The following ATRNL1 variants were observed in gnomAD, a reference collection of about 807,000 sequenced individuals.
ATRNL1 encodes the protein attractin-like protein 1.
In ATRNL1, 95 loss-of-function variants were observed where a neutral mutation model predicts 182.7. The ratio of observed to expected loss-of-function variants is 0.52; its 90% CI spans 0.44 to 0.62. The LOEUF is 0.62. Ranked by LOEUF, ATRNL1 falls within the 20% of genes least tolerant of loss-of-function variation. The pLI is 0.00. For synonymous variants in ATRNL1, 576 were observed against 568.3 expected (o/e 1.01, Z -0.19); for missense variants, 1,471 against 1,679.5 (o/e 0.88, Z 2.17).
intron 10 of ATRNL1, among the ~76,000 whole-genome samples, chr10:115,261,874 C>T (rs991940799): frequency 6.6e-6 from 1 of 151,936 alleles, no homozygotes; most frequent in Non-Finnish European, 1.5e-5. Context: ...AGCAATTCCC[C>T]ATCTCTAAAA....
At chr10:115,183,816 A>G (rs986226021) in intron 8 of ATRNL1, among the ~76,000 whole-genome samples, 1 of 151,598 alleles carries the variant, frequency 6.6e-6, no homozygotes, top group Non-Finnish European at 1.5e-5. Flanking sequence ...TTATAAGGGA[A>G]GTATAACATT....
intron 21 of ATRNL1, among the ~76,000 whole-genome samples, chr10:115,446,029 A>G (rs1252754057): frequency 3.3e-5 from 5 of 152,114 alleles, no homozygotes; most frequent in Non-Finnish European, 7.4e-5. Context: ...CATTTTGGCT[A>G]ATTTGAATAA....
chr10:115,506,167 G>A (rs539314218), intron 24 of ATRNL1, among the ~76,000 whole-genome samples: 1 of 151,970 alleles, frequency 6.6e-6, no homozygotes, highest in Non-Finnish European at 1.5e-5. Context: ...TGCATGTGTT[G>A]TGGCAGGGTG....
chr10:115,458,070 A>G (rs548913570), intron 21 of ATRNL1, among the ~76,000 whole-genome samples: 1 of 152,280 alleles, frequency 6.6e-6, no homozygotes, highest in South Asian at 2.1e-4. Context: ...TCATTAATGC[A>G]GCATAAAAAT....
intron 26 of ATRNL1, among the ~76,000 whole-genome samples, chr10:115,616,759 T>A (rs1369199786): frequency 1.3e-5 from 2 of 152,204 alleles, no homozygotes; most frequent in South Asian, 4.1e-4. Flanking sequence ...GGCTTCCACA[T>A]GGTTTCAAGC....
At chr10:115,203,918 T>A (rs1554893151) in intron 8 of ATRNL1, among the ~76,000 whole-genome samples, 1 of 151,696 alleles carries the variant, frequency 6.6e-6, no homozygotes, top group African/African-American at 2.4e-5. Context: ...AACTTTAAAA[T>A]TTATCTTATG....
At chr10:115,288,936 C>T (rs782698486) in intron 15 of ATRNL1, among the ~76,000 whole-genome samples, 7 of 152,128 alleles carry the variant, frequency 4.6e-5, no homozygotes, top group Non-Finnish European at 7.4e-5. Context: ...GATATTAATT[C>T]CCTATCAAAT....
At chr10:115,718,078 T>C (rs1555056788) in intron 26 of ATRNL1, among the ~76,000 whole-genome samples, 1 of 152,164 alleles carries the variant, frequency 6.6e-6, no homozygotes, top group African/African-American at 2.4e-5. Flanking sequence ...AGTGACAAGA[T>C]TGAAACAATC....
intron 24 of ATRNL1, among the ~76,000 whole-genome samples, chr10:115,505,326 A>C (rs1001263405): frequency 2.0e-5 from 3 of 152,126 alleles, no homozygotes; most frequent in African/African-American, 7.2e-5. Flanking sequence ...AATTCTTTTT[A>C]AACAAAGATA....
At chr10:115,410,774 G>C (rs1845098061) in intron 20 of ATRNL1, among the ~76,000 whole-genome samples, 1 of 151,862 alleles carries the variant, frequency 6.6e-6, no homozygotes, top group Admixed American at 6.6e-5. Flanking sequence ...CACTCAACTT[G>C]TCATCCAGGC....
At chr10:115,283,604 T>A (rs1225723817) in intron 14 of ATRNL1, among the ~76,000 whole-genome samples, 1 of 152,132 alleles carries the variant, frequency 6.6e-6, no homozygotes, top group African/African-American at 2.4e-5. Context: ...ACTAAGAAGT[T>A]GAAAGTGGTA....
intron 21 of ATRNL1, among the ~76,000 whole-genome samples, chr10:115,446,535 A>G (rs1226848598): frequency 6.6e-6 from 1 of 151,858 alleles, no homozygotes; most frequent in Non-Finnish European, 1.5e-5. Flanking sequence ...CTCTGTATTT[A>G]TATTAATTGT....
chr10:115,682,080 G>C (rs1461782805), intron 26 of ATRNL1, among the ~76,000 whole-genome samples: 1 of 152,156 alleles, frequency 6.6e-6, no homozygotes, highest in East Asian at 1.9e-4. Context: ...TCTTACTCTA[G>C]CTGTGAAAAT....
At chr10:115,676,265 A>C (rs1456990504) in intron 26 of ATRNL1, among the ~76,000 whole-genome samples, 1 of 152,082 alleles carries the variant, frequency 6.6e-6, no homozygotes, top group Non-Finnish European at 1.5e-5. Flanking sequence ...TGGAGAAAAC[A>C]AAAAGAACTT....
intron 8 of ATRNL1, among the ~76,000 whole-genome samples, chr10:115,207,341 C>G (rs1476815282): frequency 6.6e-6 from 1 of 152,128 alleles, no homozygotes; most frequent in Non-Finnish European, 1.5e-5. Flanking sequence ...CACATCCTCT[C>G]CAGCATCTGT....
intron 24 of ATRNL1, among the ~76,000 whole-genome samples, chr10:115,493,184 G>A (rs1849392308): frequency 6.6e-6 from 1 of 151,956 alleles, no homozygotes; most frequent in Admixed American, 6.6e-5. Flanking sequence ...GTGTTTTGTG[G>A]GGATGTGGTG....
At chr10:115,495,555 C>A (rs963204932) in intron 24 of ATRNL1, among the ~76,000 whole-genome samples, 3 of 152,128 alleles carry the variant, frequency 2.0e-5, no homozygotes, top group Admixed American at 6.5e-5. Context: ...TTTCTGATTT[C>A]TGACTTAATA....
chr10:115,901,809 A>G (rs1555113610), intron 28 of ATRNL1, among the ~76,000 whole-genome samples: 1 of 151,472 alleles, frequency 6.6e-6, no homozygotes, highest in Non-Finnish European at 1.5e-5. Context: ...AAAAAACATC[A>G]TGTTTTGAAC....
chr10:115,177,694 C>T (rs1192905886), intron 8 of ATRNL1, among the ~76,000 whole-genome samples: 36 of 149,964 alleles, frequency 2.4e-4, no homozygotes, highest in African/African-American at 7.1e-4. Context: ...ATGCCTGTCT[C>T]GCACTCCTGA....
Sources: allele counts gnomAD v4.1 joint callset (sites outside exome capture counted in the v4.1 genomes callset), GRCh38; gene constraint gnomAD v4.1.1; transcripts MANE v1.5; gene names NCBI Gene and HGNC (gene_info 2026-07-23, HGNC 2026-07-21).